CPO: variants seen among roughly 807,000 people sequenced by gnomAD.
CPO encodes the protein metallocarboxypeptidase C.
Under a neutral mutation model 41.2 loss-of-function variants are expected in CPO, and 43 were observed. The observed-to-expected ratio is 1.04, with a 90% CI of 0.82 to 1.35. CPO has a LOEUF of 1.35. CPO is among the 40% of genes most tolerant of loss of function. CPO has a pLI of 0.00. For synonymous variants in CPO, 178 were observed against 162.7 expected, an observed-to-expected ratio of 1.09 and a Z score of -0.72; for missense variants, 408 against 451.7, an observed-to-expected ratio of 0.90 and a Z score of 0.88.
intron 1 of CPO, among the ~76,000 whole-genome samples, chr2:206,944,934 T>C (rs1693115835): frequency 6.6e-6 from 1 of 152,130 alleles, no homozygotes; most frequent in African/African-American, 2.4e-5. Context: ...TGTTTGAGGA[T>C]AATACTAGTT....
intron 2 of CPO, among the ~76,000 whole-genome samples, chr2:206,953,130 C>T (rs990686062): frequency 2.0e-5 from 3 of 152,108 alleles, no homozygotes; most frequent in South Asian, 2.1e-4. Flanking sequence ...TATATTCCAC[C>T]GCTGGCCCTT....
intron 7 of CPO, among the ~76,000 whole-genome samples, chr2:206,963,576 A>G (rs1559074231): frequency 6.6e-6 from 1 of 152,184 alleles, no homozygotes; most frequent in Non-Finnish European, 1.5e-5. Flanking sequence ...TACATACCTC[A>G]TATAAGGGAA....
At chr2:206,952,014 A>G (rs532189059) in intron 2 of CPO, among the ~76,000 whole-genome samples, 1 of 152,368 alleles carries the variant, frequency 6.6e-6, no homozygotes, top group South Asian at 2.1e-4. Context: ...TTGAGTAAGT[A>G]TTACTACTGT....
At chr2:206,955,272 T>C (rs1292270635) in intron 2 of CPO, among the ~76,000 whole-genome samples, 191 bp from the exon 3 acceptor site, 1 of 152,222 alleles carries the variant, frequency 6.6e-6, no homozygotes, top group Non-Finnish European at 1.5e-5. Context: ...ACCTAAGACT[T>C]GGTGACAGAA....
In CPO at chr2:206,958,403, GAAGT is replaced by G. The variant is rs750412597; in HGVS notation, c.372+3_372+6del. 12 of 1,553,196 alleles carry G rather than the reference GAAGT, an allele frequency of 7.7e-6. No individual in the cohort carries two copies. Among genetic ancestry groups the G allele is most frequent in the Middle Eastern group, 1.7e-4 (1 of 5,960 alleles). On this transcript the variant is annotated splice_donor_variant and coding_sequence_variant, in exon 4 of 9. Coordinates refer to ENST00000272852, the MANE Select transcript of CPO (RefSeq NM_173077.3). LOFTEE classifies it high-confidence loss of function. ...TGCTTTTTGCCAATGGTTCGTCAAA[GAAGT>G]AAGTGTCTTTAGCTTTCTCATACTG...
At chr2:206,942,932 A>G (rs1693055897) in intron 1 of CPO, among the ~76,000 whole-genome samples, 1 of 152,200 alleles carries the variant, frequency 6.6e-6, no homozygotes, top group African/African-American at 2.4e-5. Context: ...CTTAAATCCC[A>G]GACCATTCAC....
chr2:206,940,768 A>C (rs1263428591), intron 1 of CPO, among the ~76,000 whole-genome samples: 2 of 152,058 alleles, frequency 1.3e-5, no homozygotes, highest in Non-Finnish European at 2.9e-5. Context: ...TTCATGGTTA[A>C]AGAAATCTTG....
At chr2:206,945,478 A>C (rs1290629682) in intron 1 of CPO, among the ~76,000 whole-genome samples, 1 of 152,202 alleles carries the variant, frequency 6.6e-6, no homozygotes, top group Admixed American at 6.5e-5. Context: ...TAAGTCATTC[A>C]ACAAATGTTT....
intron 1 of CPO, among the ~76,000 whole-genome samples, chr2:206,949,156 T>A (rs1395641912): frequency 2.0e-5 from 3 of 151,888 alleles, no homozygotes; most frequent in Non-Finnish European, 2.9e-5. Context: ...ACTGTCAGGG[T>A]TTAAAGCCCT....
intron 8 of CPO, 37 bp downstream of exon 8, chr2:206,968,384 G>A: frequency 8.1e-7 from 1 of 1,239,806 alleles, no homozygotes; most frequent in South Asian, 1.2e-5. Flanking sequence ...TAGTATCTAA[G>A]GCACAAAAGA....
At chr2:206,943,278 C>A (rs565496888) in intron 1 of CPO, among the ~76,000 whole-genome samples, 2 of 152,068 alleles carry the variant, frequency 1.3e-5, no homozygotes, top group Non-Finnish European at 2.9e-5. Flanking sequence ...GTTGGGGAAG[C>A]ATTGTCAATA....
intron 2 of CPO, among the ~76,000 whole-genome samples, 162 bp downstream of exon 2, chr2:206,949,875 C>A (rs1693218457): frequency 6.6e-6 from 1 of 152,162 alleles, no homozygotes; most frequent in South Asian, 2.1e-4. Flanking sequence ...CATCTCCCCA[C>A]CCGCCACCAC....
Position 206,968,313 on chromosome 2 carries a change from C to A in CPO, c.828C>A (p.Thr276=), listed in dbSNP as rs2105831133. ...ATGCATTGAAAGCAAAGTATGGAACCAATTATAGAGTTGGATCGAGTGCAG... is the reference window on the plus strand; with the variant it reads ...ATGCATTGAAAGCAAAGTATGGAACAAATTATAGAGTTGGATCGAGTGCAG... ...AANALKAKYG[T]NYRVGSSADI... is the part of the protein sequence containing the mutation. Residue 276 remains threonine (T), a synonymous_variant, in exon 8 of 9, where the codon ACC becomes ACA. Coordinates refer to ENST00000272852, the MANE Select transcript of CPO (RefSeq NM_173077.3). 2 of 1,611,896 alleles carry A rather than the reference C, an allele frequency of 1.2e-6. No homozygotes were observed. The highest frequency in any genetic ancestry group is 1.3e-5 in the African/African-American group (1 of 74,982).
chr2:206,962,344 C>T (rs1038529684), intron 6 of CPO, 68 bp from the exon 7 acceptor site: 1 of 1,411,994 alleles, frequency 7.1e-7, no homozygotes, highest in Non-Finnish European at 1.0e-6. Context: ...GTATGGATGA[C>T]TCCTTGCCAT....
intron 7 of CPO, among the ~76,000 whole-genome samples, chr2:206,963,872 GA>G (rs1464529457): frequency 1.3e-5 from 2 of 152,130 alleles, no homozygotes; most frequent in African/African-American, 4.8e-5. Flanking sequence ...GTAATTGCTG[GA>G]TCACATGGCA....
rs780954058 is a variant in CPO, at chr2:206,968,346, A to G, written c.861A>G (p.Leu287=). ...GAGTTGGATCGAGTGCAGATATTTT[A>G]TGTAAGTATCTTTTTTTGCCTCTTC... ...NYRVGSSADI[L]YASSGSSRDW... Residue 287 remains leucine (L), a splice_region_variant and synonymous_variant, in exon 8 of 9, where the codon TTA becomes TTG. Coordinates refer to ENST00000272852, the MANE Select transcript of CPO (RefSeq NM_173077.3). 2 of 1,582,402 alleles carry G rather than the reference A, an allele frequency of 1.3e-6. No individual in the cohort carries two copies. Among genetic ancestry groups the G allele is most frequent in the Non-Finnish European group, 1.7e-6 (2 of 1,151,432 alleles).
chr2:206,957,393 G>A (rs1034231303), intron 3 of CPO, among the ~76,000 whole-genome samples: 1 of 150,284 alleles, frequency 6.7e-6, no homozygotes, highest in Admixed American at 6.6e-5. Flanking sequence ...AAAAAAAAGA[G>A]AACATTAAGG....
chr2:206,957,465 A>G (rs1338921804), intron 3 of CPO, among the ~76,000 whole-genome samples: 6 of 152,120 alleles, frequency 3.9e-5, no homozygotes, highest in Non-Finnish European at 8.8e-5. Context: ...AAAGGAGAAG[A>G]TTCCTTGAAT....
intron 6 of CPO, among the ~76,000 whole-genome samples, chr2:206,961,242 A>T (rs994122392): frequency 4.6e-5 from 7 of 152,344 alleles, no homozygotes; most frequent in African/African-American, 1.7e-4. Context: ...TCATAAAGAA[A>T]AGAAAAATCA....
Sources: gnomAD v4.1 joint callset for allele counts (sites outside exome capture counted in the v4.1 genomes callset) on GRCh38, gnomAD v4.1.1 for gene constraint, MANE v1.5 for transcripts, NCBI Gene and HGNC (gene_info 2026-07-23, HGNC 2026-07-21) for gene names.